The following HCN1 variants were observed in gnomAD, a reference collection of about 807,000 sequenced individuals.
HCN1 encodes the protein potassium/sodium hyperpolarization-activated cyclic nucleotide-gated channel 1.
HCN1 carries 13 observed loss-of-function variants against 78.9 expected under a neutral mutation model. The observed-to-expected ratio is 0.16, with a 90% CI of 0.11 to 0.26. The LOEUF (loss-of-function observed/expected upper bound fraction) is 0.26, where lower values mean the gene tolerates loss of function less well. Among genes scored for constraint, HCN1 ranks in the 10% least tolerant of loss-of-function variants. The pLI is 1.00. For missense variants in HCN1, 810 were observed against 1,154.3 expected, an observed-to-expected ratio of 0.70 and a Z score of 4.32; for synonymous variants, 552 against 455.5, an observed-to-expected ratio of 1.21 and a Z score of -2.70.
intron 5 of HCN1, among the ~76,000 whole-genome samples, chr5:45,317,266 A>G (rs1411822846): frequency 6.6e-6 from 1 of 152,152 alleles, no homozygotes; most frequent in East Asian, 1.9e-4. Context: ...AATACCACAC[A>G]TCTACAACCA....
chr5:45,400,366 G>T (rs934067896), intron 3 of HCN1, among the ~76,000 whole-genome samples: 1 of 146,964 alleles, frequency 6.8e-6, no homozygotes, highest in African/African-American at 2.5e-5. Context: ...GCTCTTAAAT[G>T]ACTTGAAATA....
chr5:45,519,383 C>A (rs1006980290), intron 2 of HCN1, among the ~76,000 whole-genome samples: 3 of 152,004 alleles, frequency 2.0e-5, no homozygotes, highest in African/African-American at 7.2e-5. Flanking sequence ...CAAACATACA[C>A]ACACTGTCCT....
intron 3 of HCN1, among the ~76,000 whole-genome samples, chr5:45,458,995 C>G (rs1251064441): frequency 6.6e-6 from 1 of 151,964 alleles, no homozygotes; most frequent in Non-Finnish European, 1.5e-5. Context: ...ACCAAAACTC[C>G]ATAACTTTAG....
In HCN1 at chr5:45,695,680, G is replaced by A. The variant is rs1261940824; in HGVS notation, c.414C>T (p.Tyr138=). 1 of 1,612,318 alleles carries A rather than the reference G, an allele frequency of 6.2e-7. No homozygotes were observed. The highest frequency in any genetic ancestry group is 1.7e-5 in the Admixed American group (1 of 60,014). The part of the protein sequence containing the change: ...KTAGFWIIHP[Y]SDFRFYWDLI... ...CCGGGAGCCCTCACCTGAAATCACT[G>A]TAAGGGTGGATAATCCAGAAGCCTG... Residue 138 remains tyrosine (Y), a synonymous_variant, in exon 1 of 8, where the codon TAC becomes TAT. Transcript: ENST00000303230.
intron 6 of HCN1, among the ~76,000 whole-genome samples, chr5:45,295,089 C>T (rs1039563666): frequency 1.3e-5 from 2 of 151,986 alleles, no homozygotes; most frequent in East Asian, 3.9e-4. Flanking sequence ...AGCACCCCAA[C>T]ACTCACCACA....
intron 2 of HCN1, among the ~76,000 whole-genome samples, chr5:45,513,407 T>C (rs1742454957): frequency 6.6e-6 from 1 of 152,106 alleles, no homozygotes; most frequent in Non-Finnish European, 1.5e-5. Flanking sequence ...TCATGATAAA[T>C]TATAGAATCA....
At chr5:45,685,475 A>T (rs1180438584) in intron 1 of HCN1, among the ~76,000 whole-genome samples, 2 of 152,186 alleles carry the variant, frequency 1.3e-5, no homozygotes, top group Non-Finnish European at 2.9e-5. Context: ...GCACTTTAGG[A>T]GGCCGAGCCG....
chr5:45,321,276 A>C (rs1479453476), intron 5 of HCN1, among the ~76,000 whole-genome samples: 1 of 151,906 alleles, frequency 6.6e-6, no homozygotes, highest in East Asian at 1.9e-4. Context: ...GGTAGTTCGC[A>C]TATTATATCT....
intron 3 of HCN1, among the ~76,000 whole-genome samples, chr5:45,408,797 T>C (rs72762048): frequency 0.081 from 12,294 of 152,210 alleles, 690 homozygotes; most frequent in Non-Finnish European, 0.12. Flanking sequence ...ACTGGAGTGT[T>C]AAAAACTACT....
chr5:45,552,348 C>T (rs1477358844), intron 2 of HCN1, among the ~76,000 whole-genome samples: 4 of 151,826 alleles, frequency 2.6e-5, no homozygotes, highest in Admixed American at 1.3e-4. Context: ...GCCATGAACT[C>T]GCATAATATG....
chr5:45,668,836 T>A (rs1160614810), intron 1 of HCN1, among the ~76,000 whole-genome samples: 1 of 151,836 alleles, frequency 6.6e-6, no homozygotes, highest in Non-Finnish European at 1.5e-5. Context: ...AAAAAAAAAA[T>A]TCTGCACTTA....
At chr5:45,499,320 C>G (rs1468602971) in intron 2 of HCN1, among the ~76,000 whole-genome samples, 1 of 152,276 alleles carries the variant, frequency 6.6e-6, no homozygotes, top group Non-Finnish European at 1.5e-5. Context: ...GTTGGAAAAG[C>G]GTAGTATTCG....
At chr5:45,380,249 A>T (rs76822322) in intron 4 of HCN1, among the ~76,000 whole-genome samples, 7,718 of 152,118 alleles carry the variant, frequency 0.051, 682 homozygotes, top group African/African-American at 0.18. Context: ...AAGAGCAAAA[A>T]GGCCAGGCAG....
intron 3 of HCN1, among the ~76,000 whole-genome samples, chr5:45,412,776 G>A (rs1025376764): frequency 6.6e-6 from 1 of 151,932 alleles, no homozygotes; most frequent in Non-Finnish European, 1.5e-5. Flanking sequence ...GGGTGAGCAC[G>A]GATTGACAAA....
chr5:45,574,227 T>A (rs545050936), intron 2 of HCN1, among the ~76,000 whole-genome samples: 3 of 152,306 alleles, frequency 2.0e-5, no homozygotes, highest in Admixed American at 2.0e-4. Context: ...TTTGCAACTC[T>A]GCATCAACCA....
intron 2 of HCN1, among the ~76,000 whole-genome samples, chr5:45,510,322 A>G (rs1197715367): frequency 6.6e-6 from 1 of 152,104 alleles, no homozygotes; most frequent in Non-Finnish European, 1.5e-5. Flanking sequence ...TTTCAGAAAC[A>G]TGAATGTGCG....
intron 1 of HCN1, among the ~76,000 whole-genome samples, chr5:45,685,482 G>GTC (rs1424948297): frequency 6.6e-6 from 1 of 152,212 alleles, no homozygotes; most frequent in Non-Finnish European, 1.5e-5. Context: ...AGGAGGCCGA[G>GTC]CCGGGCGGAT....
chr5:45,671,365 T>C (rs896086570), intron 1 of HCN1, among the ~76,000 whole-genome samples: 5 of 151,432 alleles, frequency 3.3e-5, no homozygotes, highest in Non-Finnish European at 5.9e-5. Context: ...CAGTATGCAT[T>C]AGATTATCTG....
rs192447474 is a variant in HCN1, at chr5:45,525,903, G to A, written c.850-63896C>T. Among the ~76,000 whole-genome samples, 100 of 152,066 alleles carry A rather than the reference G, an allele frequency of 6.6e-4. 1 individual carries two copies. The East Asian group carries it at 0.019, about 28-fold the overall frequency. Reference sequence around the variant, plus strand: ...GTGCCTTGAGAAGTAATTAGGTCAAGGTGATAGAGCCCTCATAATGGGATT... The same window carrying A: ...GTGCCTTGAGAAGTAATTAGGTCAAAGTGATAGAGCCCTCATAATGGGATT... On this transcript the variant is annotated intron_variant, in intron 2 of 7. Coordinates refer to ENST00000303230, the MANE Select transcript of HCN1 (RefSeq NM_021072.4).
Sources: gnomAD v4.1 joint callset for allele counts (sites outside exome capture counted in the v4.1 genomes callset) on GRCh38, gnomAD v4.1.1 for gene constraint, MANE v1.5 for transcripts, NCBI Gene and HGNC (gene_info 2026-07-23, HGNC 2026-07-21) for gene names.